CDH4: variants seen among roughly 807,000 people sequenced by gnomAD.
The protein encoded by CDH4 is cadherin 4, also known as cadherin-4.
CDH4 carries 33 observed loss-of-function variants against 86.0 expected under a neutral mutation model. The ratio of observed to expected loss-of-function variants is 0.38; its 90% CI spans 0.29 to 0.51. The LOEUF (loss-of-function observed/expected upper bound fraction) is 0.51, where lower values mean the gene tolerates loss of function less well. CDH4 is among the 20% of genes least tolerant of loss of function. The probability of loss-of-function intolerance (pLI) is 0.86; values close to 1 mark genes in which losing one functional copy is unlikely to be tolerated. For missense variants in CDH4, 1,114 were observed against 1,307.4 expected (o/e 0.85, Z 2.28); for synonymous variants, 555 against 549.4 (o/e 1.01, Z -0.14).
At chr20:61,798,109 C>T (rs1467008435) in intron 4 of CDH4, among the ~76,000 whole-genome samples, 2 of 152,214 alleles carry the variant, frequency 1.3e-5, no homozygotes, top group Non-Finnish European at 2.9e-5. Context: ...TGACACCCCT[C>T]GCCCGGGTCA....
intron 2 of CDH4, among the ~76,000 whole-genome samples, chr20:61,661,622 G>A (rs1385837264): frequency 1.3e-5 from 2 of 152,076 alleles, no homozygotes; most frequent in African/African-American, 2.4e-5. Flanking sequence ...ATTAACCCAG[G>A]ATTAAAAAGA....
At chr20:61,828,815 A>G (rs1981448109) in intron 4 of CDH4, among the ~76,000 whole-genome samples, 1 of 152,264 alleles carries the variant, frequency 6.6e-6, no homozygotes, top group Admixed American at 6.5e-5. Flanking sequence ...TAAAGATAAG[A>G]TAAGCAGTCC....
At chr20:61,739,233 G>C (rs1229104462) in intron 2 of CDH4, 10 of 152,342 alleles carry the variant, frequency 6.6e-5, no homozygotes, top group African/African-American at 2.4e-4. Context: ...TGGGGAGGGA[G>C]TTGCGGGGGG....
intron 2 of CDH4, among the ~76,000 whole-genome samples, chr20:61,706,412 G>A (rs953374246): frequency 6.6e-5 from 10 of 152,194 alleles, no homozygotes; most frequent in Non-Finnish European, 1.2e-4. Flanking sequence ...ATTTGCCGCA[G>A]ACCCCCTTCT....
intron 2 of CDH4, among the ~76,000 whole-genome samples, chr20:61,646,249 C>T (rs553442828): frequency 1.1e-4 from 17 of 152,190 alleles, no homozygotes; most frequent in African/African-American, 3.4e-4. Context: ...TTCAGGAACT[C>T]GGCTGAAATT....
intron 1 of CDH4, among the ~76,000 whole-genome samples, chr20:61,253,758 G>A (rs912697904): frequency 6.6e-6 from 1 of 152,164 alleles, no homozygotes; most frequent in African/African-American, 2.4e-5. Flanking sequence ...CCGCGGTGCC[G>A]GCGTCGGGAA....
intron 2 of CDH4, among the ~76,000 whole-genome samples, chr20:61,524,830 T>TAGATTTAAAATTC (rs2085898709): frequency 1.3e-5 from 2 of 152,222 alleles, no homozygotes; most frequent in Admixed American, 6.5e-5. Flanking sequence ...AATTCCATTC[T>TAGATTTAAAATTC]CATTCATTAG....
At position 61,709,179 on chromosome 20, in the gene CDH4, C is replaced by G. The variant is rs902080367; in HGVS notation, c.170-34384C>G. 2.0e-5 allele frequency among the ~76,000 whole-genome samples: 3 copies of G among 152,368 alleles called. No homozygotes were observed. Among genetic ancestry groups the G allele is most frequent in the South Asian group, 2.1e-4 (1 of 4,832 alleles). On this transcript the variant is annotated intron_variant, in intron 2 of 15. Transcript: ENST00000614565. This position sits in a 1 kb window ranked among gnomAD's most constrained non-coding sequence, Gnocchi z 4.8. ...ACCTGCCCCTCTCTCCAGGGGAGTG[C>G]AAGCAAATGCAGGAAACTGGGGCCA...
chr20:61,464,470 A>T (rs966687182), intron 2 of CDH4, among the ~76,000 whole-genome samples: 1 of 152,196 alleles, frequency 6.6e-6, no homozygotes, highest in Non-Finnish European at 1.5e-5. Context: ...ATAGACCAGA[A>T]TAGCTTCGTT....
chr20:61,817,568 C>T (rs967246174), intron 4 of CDH4, among the ~76,000 whole-genome samples: 3 of 152,070 alleles, frequency 2.0e-5, no homozygotes, highest in Admixed American at 2.0e-4. Flanking sequence ...GGGGTATGCG[C>T]TCCTCCTGGG....
intron 2 of CDH4, among the ~76,000 whole-genome samples, chr20:61,598,586 T>C (rs2086574549): frequency 6.6e-6 from 1 of 152,126 alleles, no homozygotes; most frequent in Non-Finnish European, 1.5e-5. Context: ...GAGATACCCC[T>C]TTCCAGAATC....
chr20:61,832,145 G>C (rs918724857), intron 4 of CDH4, among the ~76,000 whole-genome samples: 1 of 152,226 alleles, frequency 6.6e-6, no homozygotes, highest in Non-Finnish European at 1.5e-5. Context: ...TCTGCCCCAG[G>C]ACATTTGACG....
At chr20:61,368,846 G>C (rs1359133935) in intron 2 of CDH4, among the ~76,000 whole-genome samples, 1 of 152,080 alleles carries the variant, frequency 6.6e-6, no homozygotes, top group East Asian at 1.9e-4. Flanking sequence ...GCAACCCAAA[G>C]GTACTAAAAC....
At chr20:61,363,495 C>T (rs1397177192) in intron 2 of CDH4, among the ~76,000 whole-genome samples, 1 of 151,038 alleles carries the variant, frequency 6.6e-6, no homozygotes, top group Non-Finnish European at 1.5e-5. Context: ...CCTACACACA[C>T]ACACCTATGA....
intron 6 of CDH4, among the ~76,000 whole-genome samples, chr20:61,864,961 G>T (rs1164084030): frequency 6.6e-6 from 1 of 152,174 alleles, no homozygotes; most frequent in Non-Finnish European, 1.5e-5. Flanking sequence ...GTGCAGCAGA[G>T]CCTCCAGGGC....
At chr20:61,662,726 C>A (rs898633025) in intron 2 of CDH4, among the ~76,000 whole-genome samples, 8 of 152,174 alleles carry the variant, frequency 5.3e-5, no homozygotes, top group African/African-American at 1.9e-4. Flanking sequence ...CAACACAGGG[C>A]GGCTCACCTG....
At chr20:61,803,426 G>T (rs1193880429) in intron 4 of CDH4, among the ~76,000 whole-genome samples, 1 of 152,176 alleles carries the variant, frequency 6.6e-6, no homozygotes, top group African/African-American at 2.4e-5. Context: ...AAATCTTTTC[G>T]TTCAACTGTT....
chr20:61,286,723 A>G (rs1213615050), intron 2 of CDH4, among the ~76,000 whole-genome samples: 1 of 152,254 alleles, frequency 6.6e-6, no homozygotes, highest in African/African-American at 2.4e-5. Flanking sequence ...TGCAGGGAAG[A>G]ATCCCGAATA....
intron 2 of CDH4, among the ~76,000 whole-genome samples, chr20:61,598,735 G>T (rs989218112): frequency 2.6e-5 from 4 of 152,246 alleles, no homozygotes; most frequent in African/African-American, 9.6e-5. Context: ...TCTTCTCCAC[G>T]CGTCCCAGAG....
Sources: allele counts gnomAD v4.1 joint callset (sites outside exome capture counted in the v4.1 genomes callset), GRCh38; gene constraint gnomAD v4.1.1; non-coding constraint Gnocchi (gnomAD v3.1); transcripts MANE v1.5; gene names NCBI Gene and HGNC (gene_info 2026-07-23, HGNC 2026-07-21).